DMBT1: variants seen among roughly 807,000 people sequenced by gnomAD.
DMBT1 encodes the protein deleted in malignant brain tumors 1.
Under a neutral mutation model 252.9 loss-of-function variants are expected in DMBT1, and 198 were observed. The ratio of observed to expected loss-of-function variants is 0.78; its 90% CI spans 0.70 to 0.88. The LOEUF (loss-of-function observed/expected upper bound fraction) is 0.88. Among genes scored for constraint, DMBT1 ranks in the 40% least tolerant of loss-of-function variants. The pLI, the probability that DMBT1 is intolerant of heterozygous loss-of-function variation, is 0.00. For synonymous variants in DMBT1, 990 were observed against 942.7 expected (o/e 1.05, Z -0.92); for missense variants, 2,432 against 2,404.7 (o/e 1.01, Z -0.24).
intron 44 of DMBT1, among the ~76,000 whole-genome samples, chr10:122,623,942 G>T (rs2133647442): frequency 6.6e-6 from 1 of 152,328 alleles, no homozygotes; most frequent in Non-Finnish European, 1.5e-5. Flanking sequence ...CCTCATAGTT[G>T]CTTCTGCCCA....
chr10:122,567,311 G>T (rs977022805), intron 2 of DMBT1, among the ~76,000 whole-genome samples: 1 of 152,222 alleles, frequency 6.6e-6, no homozygotes, highest in African/African-American at 2.4e-5. Flanking sequence ...ATCCAGAAGA[G>T]TTGCAGATGG....
At chr10:122,633,972 C>CA (rs1224809810) in intron 52 of DMBT1, among the ~76,000 whole-genome samples, 1 of 151,936 alleles carries the variant, frequency 6.6e-6, no homozygotes, top group Non-Finnish European at 1.5e-5. Context: ...CCCATCTCTA[C>CA]AAAAAAGTAC....
intron 44 of DMBT1, 147 bp from the exon 45 acceptor site, chr10:122,625,130 G>A (rs574327720): frequency 4.6e-5 from 35 of 760,136 alleles, no homozygotes; most frequent in Middle Eastern, 2.3e-4. Flanking sequence ...GAGACTAACC[G>A]TTAAGGTTTA....
rs1272909422 is a variant in DMBT1, at chr10:122,630,289, T to C, written c.5824T>C (p.Leu1942=). The C allele has an allele frequency of 1.2e-6, 2 of 1,613,152 alleles. No homozygotes were observed. The highest frequency in any genetic ancestry group is 2.7e-5 in the African/African-American group (2 of 75,040). Residue 1942 remains leucine, a splice_region_variant and synonymous_variant, in exon 48 of 56, where the codon TTG becomes CTG. Transcript: ENST00000338354. ...CTTGAATACATTTTCTCCATACAGA[T>C]TGGAGGCACACCATAACTGCAGTTT... is the stretch of plus-strand genomic sequence containing the variant. ...RINLGFSNLK[L]EAHHNCSFDY... is the part of the protein sequence containing the mutation.
Position 122,630,495 on chromosome 10 carries a change from G to A in DMBT1, c.6025+5G>A. The stretch of plus-strand genomic sequence containing the variant: ...GGTATAACTCCTTCCCAAGCGGTAA[G>A]TGCACACTAGACCATGCCTATGAGG... On this transcript the variant is annotated splice_donor_5th_base_variant and intron_variant, in intron 48 of 55. Transcript: ENST00000338354. 6.2e-7 allele frequency: 1 copy of A among 1,613,778 alleles called. No homozygotes were observed. Among genetic ancestry groups the A allele is most frequent in the South Asian group, 1.1e-5 (1 of 91,068 alleles).
At chr10:122,572,121 C>T (rs1339981343) in intron 4 of DMBT1, among the ~76,000 whole-genome samples, 193 bp from the exon 5 acceptor site, 1 of 152,178 alleles carries the variant, frequency 6.6e-6, no homozygotes, top group Non-Finnish European at 1.5e-5. Context: ...ACAAAGGATG[C>T]TTGTGCGGCA....
chr10:122,617,954 A>G, intron 40 of DMBT1, 63 bp from the exon 41 acceptor site: 1 of 1,601,162 alleles, frequency 6.2e-7, no homozygotes. Context: ...TGAGTGTGGA[A>G]CTTGCCTTAG....
chr10:122,567,686 C>A (rs2097609806), intron 2 of DMBT1, among the ~76,000 whole-genome samples: 1 of 152,140 alleles, frequency 6.6e-6, no homozygotes, highest in South Asian at 2.1e-4. Context: ...TACAGCTTAC[C>A]CCAGTGGGTG....
intron 1 of DMBT1, among the ~76,000 whole-genome samples, chr10:122,562,920 G>C (rs1476649677): frequency 6.6e-6 from 1 of 152,230 alleles, no homozygotes; most frequent in Admixed American, 6.5e-5. Context: ...AGACAGCACT[G>C]GTGAGTGGCT....
intron 2 of DMBT1, among the ~76,000 whole-genome samples, chr10:122,568,961 A>C (rs990771525): frequency 6.6e-6 from 1 of 152,200 alleles, no homozygotes; most frequent in African/African-American, 2.4e-5. Flanking sequence ...CAATATTACC[A>C]CACATAAGTA....
In DMBT1 at chr10:122,619,302, T is replaced by A. The variant is rs140947161; in HGVS notation, c.5216-6T>A. 2 of 1,613,984 alleles carry A rather than the reference T, an allele frequency of 1.2e-6. No individual in the cohort carries two copies. The highest frequency in any genetic ancestry group is 1.7e-5 in the Admixed American group (1 of 60,016). On this transcript the variant is annotated splice_region_variant and splice_polypyrimidine_tract_variant and intron_variant, in intron 41 of 55. Transcript: ENST00000338354. The stretch of plus-strand genomic sequence containing the variant: ...CTGATCTGACCTTCTCTTCTCTTTC[T>A]CACAGCTGCTCAGTCCCAGTCAACG...
chr10:122,598,739 A>AG, intron 25 of DMBT1, 35 bp from the exon 26 acceptor site: 2 of 1,611,970 alleles, frequency 1.2e-6, no homozygotes, highest in Non-Finnish European at 1.7e-6. Context: ...ACCTCATGAT[A>AG]GGGATGGATG....
intron 46 of DMBT1, among the ~76,000 whole-genome samples, chr10:122,628,980 A>G (rs904973419): frequency 6.6e-6 from 1 of 152,212 alleles, no homozygotes; most frequent in Non-Finnish European, 1.5e-5. Context: ...GAGTTATGAA[A>G]AAGAAAAAAA....
At chr10:122,633,146 G>A in intron 51 of DMBT1, 45 bp from the exon 52 acceptor site, 1 of 1,608,126 alleles carries the variant, frequency 6.2e-7, no homozygotes, top group South Asian at 1.1e-5. Flanking sequence ...AGACTGTGCA[G>A]TGTGCTCTGG....
At position 122,597,875 on chromosome 10, in the gene DMBT1, G is replaced by C; in HGVS notation, c.2918-99G>C. 3 of 1,566,186 alleles carry C rather than the reference G, an allele frequency of 1.9e-6. No homozygotes were observed. The South Asian group carries it at 3.3e-5, about 17-fold the overall frequency. On this transcript the variant is annotated intron_variant, in intron 24 of 55. Transcript: ENST00000338354. ...GAGCAAGTGGCAGGAACCAGAAGTG[G>C]GGTAGTTTTCATGATGTTTGCCTTC...
chr10:122,634,326 A>C (rs555338872), intron 52 of DMBT1, among the ~76,000 whole-genome samples: 1 of 148,162 alleles, frequency 6.7e-6, no homozygotes, highest in Non-Finnish European at 1.5e-5. Context: ...CAGAGAGGAC[A>C]TTACTAAAAG....
intron 48 of DMBT1, 137 bp from the exon 49 acceptor site, chr10:122,630,824 C>T: frequency 1.0e-6 from 1 of 957,814 alleles, no homozygotes; most frequent in Non-Finnish European, 1.5e-6. Flanking sequence ...CCAGTACCTC[C>T]ACCCCAGCTT....
intron 1 of DMBT1, 145 bp from the exon 2 acceptor site, chr10:122,565,822 G>T (rs2097585158): frequency 1.4e-6 from 1 of 739,932 alleles, no homozygotes; most frequent in African/African-American, 1.7e-5. Context: ...AATTCATTTA[G>T]CAAGAACGTC....
intron 44 of DMBT1, among the ~76,000 whole-genome samples, chr10:122,623,216 A>AT (rs2098087175): frequency 2.6e-5 from 4 of 152,192 alleles, no homozygotes; most frequent in Admixed American, 2.6e-4. Flanking sequence ...GTTCATTCAT[A>AT]TTTTAGCATG....
Sources: allele counts gnomAD v4.1 joint callset (sites outside exome capture counted in the v4.1 genomes callset), GRCh38; gene constraint gnomAD v4.1.1; transcripts MANE v1.5; gene names NCBI Gene and HGNC (gene_info 2026-07-23, HGNC 2026-07-21).